NUP210: variants seen among roughly 807,000 people sequenced by gnomAD.
The protein encoded by NUP210 is nucleoporin 210.
A neutral mutation model predicts 196.0 loss-of-function variants in NUP210; 151 were observed. The ratio of observed to expected loss-of-function variants is 0.77; its 90% CI spans 0.67 to 0.88. NUP210 has a LOEUF of 0.88. NUP210 is among the 40% of genes least tolerant of loss of function. NUP210 has a pLI of 0.00. For synonymous variants in NUP210, 1,070 were observed against 1,052.7 expected, an observed-to-expected ratio of 1.02 and a Z score of -0.32; for missense variants, 2,314 against 2,493.7, an observed-to-expected ratio of 0.93 and a Z score of 1.53.
chr3:13,353,817 C>A, intron 17 of NUP210, 98 bp downstream of exon 17: 1 of 1,294,732 alleles, frequency 7.7e-7, no homozygotes, highest in Non-Finnish European at 1.1e-6. Context: ...GATCTAAGCA[C>A]AGATAACTAA....
chr3:13,372,364 A>C (rs1174597481), intron 12 of NUP210, among the ~76,000 whole-genome samples: 3 of 152,194 alleles, frequency 2.0e-5, no homozygotes, highest in Admixed American at 6.5e-5. Context: ...GCTGAAGTGC[A>C]CTGTGCAGGG....
chr3:13,366,995 G>A (rs996061221), intron 13 of NUP210, among the ~76,000 whole-genome samples: 21 of 151,254 alleles, frequency 1.4e-4, no homozygotes, highest in Non-Finnish European at 2.4e-4. Context: ...GTGTGGTGGC[G>A]CATGCCTGTA....
Position 13,351,892 on chromosome 3 carries a change from CT to C in NUP210, c.2821del (p.Arg941GlyfsTer17). 6.2e-7 allele frequency: 1 copy of C among 1,611,348 alleles called. No individual in the cohort carries two copies. Among genetic ancestry groups the C allele is most frequent in the Non-Finnish European group, 8.5e-7 (1 of 1,177,532 alleles). On this transcript the variant is annotated frameshift_variant, in exon 20 of 40. Coordinates refer to ENST00000254508, the MANE Select transcript of NUP210 (RefSeq NM_024923.4). LOFTEE classifies it high-confidence loss of function. ...DVVKVAYQEA[R>X]GVAMVHPLLP... is the part of the protein sequence containing the mutation. ...GCCCAAGCTTACCATGGCGACACCC[CT>C]GGCCTCCTGGTAGGCCACCTTGACA...
intron 13 of NUP210, among the ~76,000 whole-genome samples, chr3:13,366,418 C>T (rs1272599079): frequency 6.6e-6 from 1 of 152,130 alleles, no homozygotes; most frequent in East Asian, 1.9e-4. Flanking sequence ...AGGTGTGAGC[C>T]ACTGTGCCCA....
intron 1 of NUP210, among the ~76,000 whole-genome samples, chr3:13,418,306 G>C (rs1700412471): frequency 1.3e-5 from 2 of 152,236 alleles, no homozygotes; most frequent in African/African-American, 2.4e-5. Context: ...AAAAGAAATA[G>C]GGCAGGCCGG....
chr3:13,381,083 C>T (rs1699083309), intron 6 of NUP210, among the ~76,000 whole-genome samples: 1 of 152,198 alleles, frequency 6.6e-6, no homozygotes, highest in Admixed American at 6.5e-5. Flanking sequence ...AATGCACAGC[C>T]CACATCCTCA....
chr3:13,358,681 A>G (rs1470423164), intron 15 of NUP210, among the ~76,000 whole-genome samples: 1 of 152,008 alleles, frequency 6.6e-6, no homozygotes, highest in Non-Finnish European at 1.5e-5. Flanking sequence ...GTTTCCCAGG[A>G]CCCTGGGAAA....
At chr3:13,407,276 G>T (rs74281335) in intron 1 of NUP210, among the ~76,000 whole-genome samples, 1 of 152,154 alleles carries the variant, frequency 6.6e-6, no homozygotes, top group Non-Finnish European at 1.5e-5. Flanking sequence ...AAAGCTGGGC[G>T]CAGTGGCTTG....
chr3:13,327,494 C>A, intron 31 of NUP210, 57 bp from the exon 32 acceptor site: 2 of 1,291,038 alleles, frequency 1.5e-6, no homozygotes, highest in Non-Finnish European at 2.2e-6. Context: ...TTCCAACTCC[C>A]AAAGGGAGAA....
At chr3:13,325,154 A>T (rs1696697059) in intron 33 of NUP210, among the ~76,000 whole-genome samples, 1 of 151,770 alleles carries the variant, frequency 6.6e-6, no homozygotes. Flanking sequence ...CTGCCCTTGA[A>T]CCCTACACAC....
chr3:13,370,867 C>T (rs542171535), intron 13 of NUP210, among the ~76,000 whole-genome samples: 11 of 152,356 alleles, frequency 7.2e-5, no homozygotes, highest in Middle Eastern at 3.4e-3. Flanking sequence ...AGGATCACAT[C>T]GCTCTTCTGT....
chr3:13,408,527 T>G (rs575506536), intron 1 of NUP210, among the ~76,000 whole-genome samples: 1 of 152,212 alleles, frequency 6.6e-6, no homozygotes, highest in Non-Finnish European at 1.5e-5. Flanking sequence ...CCATGGCTCA[T>G]GCCTATAATC....
intron 1 of NUP210, among the ~76,000 whole-genome samples, chr3:13,409,636 G>A (rs1012257596): frequency 1.1e-4 from 17 of 151,986 alleles, no homozygotes; most frequent in African/African-American, 3.1e-4. Flanking sequence ...ATGAAGCCAC[G>A]TCCCTAGACA....
At chr3:13,321,984 C>T in intron 35 of NUP210, 149 bp from the exon 36 acceptor site, 2 of 1,263,976 alleles carry the variant, frequency 1.6e-6, no homozygotes, top group Non-Finnish European at 2.2e-6. Context: ...TCCTGGGAAT[C>T]CCCTATAAAG....
intron 1 of NUP210, among the ~76,000 whole-genome samples, chr3:13,401,464 A>G (rs1699839224): frequency 6.6e-6 from 1 of 152,088 alleles, no homozygotes; most frequent in African/African-American, 2.4e-5. Flanking sequence ...AAGTTCACGG[A>G]AAATGAGCTG....
Position 13,340,484 on chromosome 3 carries a change from G to C in NUP210, c.3229-186C>G, listed in dbSNP as rs1439199130. On this transcript the variant is annotated intron_variant, in intron 23 of 39. Coordinates refer to ENST00000254508, the MANE Select transcript of NUP210 (RefSeq NM_024923.4). This position sits in a 1 kb window ranked among gnomAD's most constrained non-coding sequence, Gnocchi z 4.0. ...GGGCTGTCTCCCAGCCACTGGCCGA[G>C]GCTCCCTGGTTCTCTGGGGTGTGTT... Among the ~76,000 whole-genome samples, 1 of 152,192 alleles carries C rather than the reference G, an allele frequency of 6.6e-6. No individual in the cohort carries two copies. Among genetic ancestry groups the C allele is most frequent in the Non-Finnish European group, 1.5e-5 (1 of 68,016 alleles).
chr3:13,401,275 A>AG (rs1699830577), intron 1 of NUP210, among the ~76,000 whole-genome samples: 1 of 149,708 alleles, frequency 6.7e-6, no homozygotes. Flanking sequence ...AAAAAAAAAA[A>AG]AAAAAGGCAA....
intron 28 of NUP210, among the ~76,000 whole-genome samples, chr3:13,333,702 C>T (rs1485162693): frequency 6.6e-6 from 1 of 152,158 alleles, no homozygotes; most frequent in African/African-American, 2.4e-5. Context: ...GACTCGGATG[C>T]CCCCTTCCGG....
In NUP210 at chr3:13,386,319, G is replaced by C. The variant is rs1315365800; in HGVS notation, c.773C>G (p.Ser258Cys). The change falls in exon 6 of 40, where the codon TCC (serine) becomes TGC (cysteine). Residue 258 changes from serine (S) to cysteine (C), a missense_variant. By Grantham distance (112) the Ser-to-Cys change is moderately radical. Transcript: ENST00000254508. ...AYDVYLMVGT[S>C]IHYKVQKIRQ... ...GATCTTCTGCACCTTGTAGTGAATG[G>C]AGGTTCCCACCATCAGGTAGACGTC... 2 of 1,614,194 alleles carry C rather than the reference G, an allele frequency of 1.2e-6. No individual in the cohort carries two copies. The highest frequency in any genetic ancestry group is 1.7e-5 in the Admixed American group (1 of 60,014).
Sources: gnomAD v4.1 joint callset for allele counts (sites outside exome capture counted in the v4.1 genomes callset) on GRCh38, gnomAD v4.1.1 for gene constraint, Gnocchi (gnomAD v3.1) non-coding constraint, MANE v1.5 for transcripts, NCBI Gene and HGNC (gene_info 2026-07-23, HGNC 2026-07-21) for gene names.